CALN1: variants seen among roughly 807,000 people sequenced by gnomAD.
The protein encoded by CALN1 is calcium-binding protein 8.
A neutral mutation model predicts 30.6 loss-of-function variants in CALN1; 17 were observed. The observed-to-expected ratio is 0.56, with a 90% CI of 0.38 to 0.83. The LOEUF is 0.83. Among genes scored for constraint, CALN1 ranks in the 40% least tolerant of loss-of-function variants. The pLI, the probability that CALN1 is intolerant of heterozygous loss-of-function variation, is 0.00. For missense variants in CALN1, 291 were observed against 354.9 expected (o/e 0.82, Z 1.45); for synonymous variants, 156 against 131.4 (o/e 1.19, Z -1.28).
chr7:72,239,792 A>G (rs1240919162), intron 3 of CALN1, among the ~76,000 whole-genome samples: 1 of 152,182 alleles, frequency 6.6e-6, no homozygotes, highest in African/African-American at 2.4e-5. Context: ...AGAAGAGAGA[A>G]TGTGCACCAC....
At chr7:71,848,851 C>T (rs891679687) in intron 5 of CALN1, among the ~76,000 whole-genome samples, 1 of 152,180 alleles carries the variant, frequency 6.6e-6, no homozygotes. Flanking sequence ...CATCAGTCAA[C>T]TATTCAGTTT....
intron 3 of CALN1, among the ~76,000 whole-genome samples, chr7:72,171,587 G>A (rs78944034): frequency 1.1e-4 from 16 of 152,158 alleles, no homozygotes; most frequent in African/African-American, 2.9e-4. Flanking sequence ...ATTTAGCCTC[G>A]TATGTTCTCA....
chr7:72,138,218 T>A (rs28544267), intron 3 of CALN1, among the ~76,000 whole-genome samples: 2 of 152,110 alleles, frequency 1.3e-5, no homozygotes, highest in Admixed American at 6.5e-5. Context: ...AAAGGAAATA[T>A]ATGACATGTA....
chr7:72,201,879 A>C (rs11765179), intron 3 of CALN1, among the ~76,000 whole-genome samples: 29,052 of 152,080 alleles, frequency 0.19, 3,021 homozygotes, highest in East Asian at 0.28. Context: ...AGGACAGAAG[A>C]CGCAGCCTGG....
At chr7:72,054,502 TATATATACATATATATAC>T (rs1803101410) in intron 4 of CALN1, among the ~76,000 whole-genome samples, 4 of 131,530 alleles carry the variant, frequency 3.0e-5, no homozygotes, top group Non-Finnish European at 4.6e-5. Flanking sequence ...CATATATACA[TATATATACATATATATAC>T]ATATATACAT....
intron 5 of CALN1, among the ~76,000 whole-genome samples, chr7:71,845,628 G>A (rs1413535472): frequency 6.6e-6 from 1 of 152,158 alleles, no homozygotes; most frequent in African/African-American, 2.4e-5. Flanking sequence ...TCATCAGCAT[G>A]GCTGGGGAAC....
intron 3 of CALN1, among the ~76,000 whole-genome samples, chr7:72,253,435 A>G (rs1795698745): frequency 1.3e-5 from 2 of 152,204 alleles, no homozygotes; most frequent in South Asian, 4.1e-4. Context: ...TGGGTAATTT[A>G]TAAAGGAAAG....
the CALN1 span, among the ~76,000 whole-genome samples, chr7:72,487,917 A>AGAAAGAAGGAAG: frequency 7.9e-4 from 49 of 62,282 alleles, 1 homozygote; most frequent in South Asian, 1.6e-3. Context: ...AAAGAAAGAA[A>AGAAAGAAGGAAG]GAAGGAAGGA....
At chr7:72,404,264 A>G (rs1370666541) in intron 1 of CALN1, among the ~76,000 whole-genome samples, 1 of 152,196 alleles carries the variant, frequency 6.6e-6, no homozygotes, top group Non-Finnish European at 1.5e-5. Flanking sequence ...GTGTTGAGAA[A>G]AACCCCAGGC....
intron 3 of CALN1, among the ~76,000 whole-genome samples, chr7:72,205,736 T>C (rs1339630030): frequency 1.3e-5 from 2 of 151,390 alleles, no homozygotes; most frequent in Admixed American, 1.3e-4. Flanking sequence ...GGGGTTAAAC[T>C]TGAAAAAGCA....
upstream of CALN1, among the ~76,000 whole-genome samples, chr7:72,451,321 C>A (rs911033646): frequency 7.8e-6 from 1 of 128,084 alleles, no homozygotes; most frequent in Non-Finnish European, 1.6e-5. Context: ...GGAGGAGGAG[C>A]AGGAGAAAGA....
At chr7:71,863,982 T>TTA (rs1353570721) in intron 5 of CALN1, among the ~76,000 whole-genome samples, 2 of 152,220 alleles carry the variant, frequency 1.3e-5, no homozygotes, top group Non-Finnish European at 2.9e-5. Flanking sequence ...CTTCTACTAA[T>TTA]TACTAAAGTC....
Position 72,185,704 on chromosome 7 carries a change from T to C in CALN1, c.245-79410A>G, listed in dbSNP as rs186139528. Among the ~76,000 whole-genome samples the C allele has an allele frequency of 1.2e-3, 190 of 152,274 alleles. No homozygotes were observed. The Middle Eastern group carries it at 0.017, about 14-fold the overall frequency. On this transcript the variant is annotated intron_variant, in intron 3 of 6. Coordinates refer to ENST00000395275, the MANE Select transcript of CALN1 (RefSeq NM_031468.4). ...GACACAGTGGGAGATAATTGAATCATGGGGGCGGTTTTCCCCATGCTGTTC... is the reference window on the plus strand; with the variant it reads ...GACACAGTGGGAGATAATTGAATCACGGGGGCGGTTTTCCCCATGCTGTTC...
At chr7:72,292,141 G>A (rs1486968131) in intron 2 of CALN1, among the ~76,000 whole-genome samples, 2 of 151,912 alleles carry the variant, frequency 1.3e-5, no homozygotes, top group Non-Finnish European at 2.9e-5. Context: ...TACTTTCAAT[G>A]GCAAAAATCG....
intron 4 of CALN1, 27 bp from the exon 5 acceptor site, chr7:72,023,796 T>G: frequency 1.9e-6 from 3 of 1,578,188 alleles, no homozygotes; most frequent in Non-Finnish European, 2.6e-6. Flanking sequence ...TAAATATGAG[T>G]TGCAAACAAG....
chr7:72,010,805 C>CAA (rs201289509), intron 5 of CALN1, among the ~76,000 whole-genome samples: 86 of 97,096 alleles, frequency 8.9e-4, no homozygotes, highest in African/African-American at 2.5e-3. Flanking sequence ...GACCCTGTCT[C>CAA]AAAAAAAAAA....
intron 4 of CALN1, among the ~76,000 whole-genome samples, chr7:72,083,367 C>G (rs1436514063): frequency 6.6e-6 from 1 of 151,838 alleles, no homozygotes; most frequent in African/African-American, 2.4e-5. Flanking sequence ...GGGGTTTGAG[C>G]AGAGATATGG....
At chr7:71,907,750 A>C (rs532066352) in intron 5 of CALN1, among the ~76,000 whole-genome samples, 1 of 152,346 alleles carries the variant, frequency 6.6e-6, no homozygotes, top group South Asian at 2.1e-4. Context: ...TCAGATGTAG[A>C]TATCCTTAGG....
chr7:72,493,312 C>T, the CALN1 span, among the ~76,000 whole-genome samples: 1 of 151,936 alleles, frequency 6.6e-6, no homozygotes, highest in African/African-American at 2.4e-5. Context: ...ATAATGTTTT[C>T]AAGGTTTGTC....
Sources: allele counts gnomAD v4.1 joint callset (sites outside exome capture counted in the v4.1 genomes callset), GRCh38; gene constraint gnomAD v4.1.1; transcripts MANE v1.5; gene names NCBI Gene and HGNC (gene_info 2026-07-23, HGNC 2026-07-21).